Variants in DNAH7 observed in about 807,000 individuals in gnomAD.
DNAH7 encodes the protein axonemal beta dynein heavy chain 7.
Under a neutral mutation model 444.6 loss-of-function variants are expected in DNAH7, and 397 were observed. The ratio of observed to expected loss-of-function variants is 0.89; its 90% confidence interval spans 0.82 to 0.97. The LOEUF (loss-of-function observed/expected upper bound fraction) is 0.97. Among genes scored for constraint, DNAH7 ranks in the 50% least tolerant of loss-of-function variants. DNAH7 has a pLI of 0.00. For synonymous variants in DNAH7, 1,636 were observed against 1,624.4 expected (o/e 1.01, Z -0.17); for missense variants, 4,902 against 4,800.8 (o/e 1.02, Z -0.62).
chr2:195,739,485 C>T lies in DNAH7; in HGVS notation c.11868+1281G>A, dbSNP rs181579977. ...TTTCTTAAGCCATTTTCTCATGATG[C>T]AGTTATAGATTGAATCTTAATTATA... On this transcript the variant is annotated intron_variant, in intron 64 of 64. Transcript: ENST00000312428. Among the ~76,000 whole-genome samples, 150 of 152,286 alleles carry T rather than the reference C, an allele frequency of 9.8e-4. 1 individual carries two copies. Among genetic ancestry groups the T allele is most frequent in the East Asian group, 5.8e-4 (3 of 5,192 alleles).
At chr2:196,013,998 C>T (rs1202439785) in intron 9 of DNAH7, among the ~76,000 whole-genome samples, 1 of 152,108 alleles carries the variant, frequency 6.6e-6, no homozygotes, top group African/African-American at 2.4e-5. Context: ...TCTTCGTATT[C>T]GATTTGAAAC....
chr2:195,754,341 C>T lies in DNAH7; in HGVS notation c.11760G>A (p.Glu3920=). The stretch of plus-strand genomic sequence containing the variant: ...TCATTCTGTCCCTGCACTTACCATC[C>T]TCAGGAGGATGCTTGTATTCTTTGT... ...MEDKEYKHPP[E]DGVFIHGLFL... Residue 3920 remains glutamate (E), a synonymous_variant, in exon 63 of 65, where the codon GAG becomes GAA. Coordinates refer to ENST00000312428, the MANE Select transcript of DNAH7 (RefSeq NM_018897.3). 3 of 1,613,642 alleles carry T rather than the reference C, an allele frequency of 1.9e-6. No homozygotes were observed. Among genetic ancestry groups the T allele is most frequent in the Non-Finnish European group, 1.7e-6 (2 of 1,179,718 alleles).
intron 21 of DNAH7, among the ~76,000 whole-genome samples, chr2:195,931,865 C>CA (rs1246304623): frequency 6.6e-6 from 1 of 152,154 alleles, no homozygotes; most frequent in Non-Finnish European, 1.5e-5. Context: ...TTGATGCCTC[C>CA]AGCTTTGTTC....
In DNAH7 at chr2:195,796,709, A is replaced by T. The variant is rs557653234; in HGVS notation, c.10382T>A (p.Leu3461Ter). The change falls in exon 56 of 65, where the codon TTA becomes TAA. Residue 3461 changes from leucine (L) to a stop codon, truncating the protein, a stop_gained. Transcript: ENST00000312428. LOFTEE classifies it high-confidence loss of function. ...GGGCCCTTGGCCTTGACCAAGAGAT[A>T]AAGAGCTAAGTTTTGATCCCCCATA... is the stretch of plus-strand genomic sequence containing the variant. ...QGYGGSKLSS[L>*]SLGQGQGPIA... 1 of 1,614,178 alleles carries T rather than the reference A, an allele frequency of 6.2e-7. No individual in the cohort carries two copies. Among genetic ancestry groups the T allele is most frequent in the East Asian group, 2.2e-5 (1 of 44,870 alleles).
chr2:195,858,491 C>A lies in DNAH7; in HGVS notation c.8050G>T (p.Asp2684Tyr), dbSNP rs993898882. The change falls in exon 43 of 65, where the codon GAT becomes TAT. Residue 2684 changes from aspartate (D) to tyrosine (Y), a missense_variant. Asp to Tyr is a radical substitution (Grantham distance 160). Transcript: ENST00000312428. ...GCTCTTACCTGTGCAGTAAGAGTAT[C>A]AAGGGCGGCCAGTGCTGACTCTAAT... Reference protein sequence around the residue: ...PILESALAALDTLTAQDITVV... With the variant: ...PILESALAALYTLTAQDITVV... The A allele has an allele frequency of 1.2e-6, 2 of 1,606,520 alleles. No individual in the cohort carries two copies. The highest frequency in any genetic ancestry group is 1.1e-5 in the South Asian group (1 of 90,166).
rs943672024 is a variant in DNAH7 at position 195,857,636 on chromosome 2, C to G, written c.8155G>C (p.Ala2719Pro). 2 of 1,613,778 alleles carry G rather than the reference C, an allele frequency of 1.2e-6. No individual in the cohort carries two copies. The highest frequency in any genetic ancestry group is 1.7e-6 in the Non-Finnish European group (2 of 1,179,920). ...EAICILKGIK[A>P]DKIPDPTGSG... ...CCTGTTGGGTCAGGGATTTTGTCAG[C>G]TTTGATTCCTTTCAAGATGCATATA... Residue 2719 changes from alanine (A) to proline (P), a missense_variant, in exon 44 of 65, where the codon GCT (alanine) becomes CCT (proline). Coordinates refer to ENST00000312428, the MANE Select transcript of DNAH7 (RefSeq NM_018897.3).
At chr2:196,010,160 T>C (rs1190749177) in intron 10 of DNAH7, among the ~76,000 whole-genome samples, 1 of 151,842 alleles carries the variant, frequency 6.6e-6, no homozygotes, top group Non-Finnish European at 1.5e-5. Context: ...TCTTTTTTTT[T>C]TTTTCTTGAG....
chr2:195,956,804 T>C (rs2125508938), intron 19 of DNAH7, among the ~76,000 whole-genome samples: 1 of 152,368 alleles, frequency 6.6e-6, no homozygotes, highest in Middle Eastern at 3.4e-3. Flanking sequence ...TTTGCATTTA[T>C]TGGACTTTTT....
intron 27 of DNAH7, among the ~76,000 whole-genome samples, chr2:195,905,952 T>A (rs1384442722): frequency 6.6e-6 from 1 of 152,064 alleles, no homozygotes; most frequent in Non-Finnish European, 1.5e-5. Context: ...AAACTACTCA[T>A]TGTGATATTA....
In DNAH7 at chr2:195,960,534, C is replaced by T; in HGVS notation, c.2617G>A (p.Val873Ile). ...AGATTCATGTCTAAAAAAGAGGAGA[C>T]TGTGGAGTCATCTGATGGCTGCAAA... ...YPLQPSDDST[V>I]SSFLDMNLEP... is the part of the protein sequence containing the mutation. Residue 873 changes from valine (V) to isoleucine (I), a missense_variant, in exon 18 of 65, where the codon GTC (valine) becomes ATC (isoleucine). Coordinates refer to ENST00000312428, the MANE Select transcript of DNAH7 (RefSeq NM_018897.3). 1.9e-6 allele frequency: 3 copies of T among 1,614,174 alleles called. No homozygotes were observed. The South Asian group carries it at 3.3e-5, about 18-fold the overall frequency.
intron 63 of DNAH7, among the ~76,000 whole-genome samples, chr2:195,742,068 A>G (rs1228432358): frequency 6.6e-6 from 1 of 152,192 alleles, no homozygotes; most frequent in Non-Finnish European, 1.5e-5. Context: ...ATTAATTGAC[A>G]AAGCACTTGT....
chr2:195,931,854 C>T (rs1047537630), intron 21 of DNAH7, among the ~76,000 whole-genome samples: 18 of 152,100 alleles, frequency 1.2e-4, no homozygotes, highest in South Asian at 2.1e-4. Context: ...AGTCAGGTAG[C>T]TTGATGCCTC....
intron 20 of DNAH7, 56 bp from the exon 21 acceptor site, chr2:195,934,845 T>G: frequency 1.3e-6 from 2 of 1,570,804 alleles, no homozygotes; most frequent in Non-Finnish European, 1.7e-6. Context: ...TTCTTTACAC[T>G]CCAGAGTTCT....
chr2:195,886,136 C>T lies in DNAH7; in HGVS notation c.5538+5G>A, dbSNP rs1701695393. On this transcript the variant is annotated splice_donor_5th_base_variant and intron_variant, in intron 34 of 64. Transcript: ENST00000312428. ...TAGCAGGATACAGAAGGCAACGGAC[C>T]TTACCTCAAGCAAAGAGTAAGTTTC... 2 of 1,612,042 alleles carry T rather than the reference C, an allele frequency of 1.2e-6. No homozygotes were observed. The highest frequency in any genetic ancestry group is 2.2e-5 in the East Asian group (1 of 44,774).
At chr2:195,959,149 A>G (rs1489191154) in intron 18 of DNAH7, among the ~76,000 whole-genome samples, 1 of 152,160 alleles carries the variant, frequency 6.6e-6, no homozygotes. Flanking sequence ...ATTACTCATC[A>G]TTTAAGTGGT....
rs1695216418 is a variant in DNAH7, at chr2:196,019,210, T to C, written c.829A>G (p.Thr277Ala). Residue 277 changes from threonine to alanine, a missense_variant, in exon 9 of 65, where the codon ACA becomes GCA. Transcript: ENST00000312428. ...IRDHLNAMNP[T>A]MLAVLDLWHT... ...CACAAATCTAGTACAGCCAGCATTGTGGGGTTCATTGCATTCAAGTGATCC... is the reference window on the plus strand; with the variant it reads ...CACAAATCTAGTACAGCCAGCATTGCGGGGTTCATTGCATTCAAGTGATCC... 1 of 1,527,318 alleles carries C rather than the reference T, an allele frequency of 6.5e-7. No homozygotes were observed. The highest frequency in any genetic ancestry group is 1.7e-5 in the Admixed American group (1 of 57,600). 94.6% of individuals were successfully genotyped at this position (1,527,318 alleles called of 1,614,324 possible).
At chr2:195,849,256 CTT>C (rs1441616227) in intron 46 of DNAH7, among the ~76,000 whole-genome samples, 7 of 152,158 alleles carry the variant, frequency 4.6e-5, no homozygotes, top group Non-Finnish European at 1.0e-4. Flanking sequence ...CTTCCTTACT[CTT>C]GCTCAAAAAA....
chr2:195,867,512 G>A (rs1700414165), intron 40 of DNAH7, among the ~76,000 whole-genome samples: 1 of 152,078 alleles, frequency 6.6e-6, no homozygotes, highest in South Asian at 2.1e-4. Context: ...ACAAAGTTGT[G>A]CAACCATCAC....
chr2:196,032,421 T>C (rs1171622962), intron 5 of DNAH7, among the ~76,000 whole-genome samples: 1 of 152,188 alleles, frequency 6.6e-6, no homozygotes, highest in East Asian at 1.9e-4. Flanking sequence ...GGGAGACCAC[T>C]AGAAAAGGCT....
Sources: gnomAD v4.1 joint callset for allele counts (sites outside exome capture counted in the v4.1 genomes callset) on GRCh38, gnomAD v4.1.1 for gene constraint, MANE v1.5 for transcripts, NCBI Gene and HGNC (gene_info 2026-07-23, HGNC 2026-07-21) for gene names.